The following MKLN1 variants were observed in gnomAD, a reference collection of about 807,000 sequenced individuals.
MKLN1 encodes muskelin.
MKLN1 carries 18 observed loss-of-function variants against 99.0 expected under a neutral mutation model. That is an observed-to-expected ratio of 0.18 (90% CI 0.13 to 0.27). The LOEUF is 0.27. Among genes scored for constraint, MKLN1 ranks in the 10% least tolerant of loss-of-function variants. The probability of loss-of-function intolerance (pLI) is 1.00; values close to 1 mark genes in which losing one functional copy is unlikely to be tolerated. For missense variants in MKLN1, 621 were observed against 875.9 expected (o/e 0.71, Z 3.67); for synonymous variants, 288 against 293.2 (o/e 0.98, Z 0.18).
chr7:131,276,478 G>A (rs1010921823), intron 3 of MKLN1, among the ~76,000 whole-genome samples: 6 of 152,204 alleles, frequency 3.9e-5, no homozygotes, highest in African/African-American at 1.4e-4. Flanking sequence ...GCCAAATCCC[G>A]AGAGGATGGG....
chr7:131,168,674 G>T (rs910766924), intron 2 of MKLN1, among the ~76,000 whole-genome samples: 1 of 151,816 alleles, frequency 6.6e-6, no homozygotes, highest in Admixed American at 6.6e-5. Flanking sequence ...TACCTACTAA[G>T]TGCCAGTTAA....
At chr7:131,463,890 A>G (rs1036395773) in intron 13 of MKLN1, among the ~76,000 whole-genome samples, 1 of 152,216 alleles carries the variant, frequency 6.6e-6, no homozygotes, top group East Asian at 1.9e-4. Flanking sequence ...GAGCTTCTCC[A>G]TTCATAATGG....
At chr7:131,217,495 C>T (rs1032367016) in intron 3 of MKLN1, among the ~76,000 whole-genome samples, 6 of 152,080 alleles carry the variant, frequency 3.9e-5, no homozygotes, top group Admixed American at 3.9e-4. Flanking sequence ...GTCAGGAGTT[C>T]GAGACCAGCC....
chr7:131,373,167 G>A (rs1563316763), intron 1 of MKLN1, among the ~76,000 whole-genome samples: 1 of 151,964 alleles, frequency 6.6e-6, no homozygotes, highest in African/African-American at 2.4e-5. Flanking sequence ...AAATATAAGA[G>A]TAACATTTTA....
intron 12 of MKLN1, among the ~76,000 whole-genome samples, chr7:131,462,431 A>G (rs563130653): frequency 1.5e-3 from 225 of 152,294 alleles, no homozygotes; most frequent in Non-Finnish European, 2.8e-3. Flanking sequence ...CCTTTTATCA[A>G]ATTTTTTTTC....
chr7:131,409,605 G>T (rs1563334060), intron 6 of MKLN1, among the ~76,000 whole-genome samples: 1 of 152,126 alleles, frequency 6.6e-6, no homozygotes, highest in South Asian at 2.1e-4. Context: ...ACCCAGAAAA[G>T]AAAGATTAGG....
rs568784704 is a variant in MKLN1 at position 131,197,588 on chromosome 7, AG to A, written c.-296-5268del. On this transcript the variant is annotated intron_variant, in intron 2 of 7. Coordinates refer to the MKLN1 transcript ENST00000416992. ...AAAGATGAACTTGAGAGGTCTCCCT[AG>A]TCAAGTTTCCTTTAAATGGATGCTC... Among the ~76,000 whole-genome samples the A allele has an allele frequency of 2.1e-3, 320 of 151,838 alleles. 1 individual carries two copies. Among genetic ancestry groups the A allele is most frequent in the Admixed American group, 3.9e-3 (60 of 15,230 alleles).
intron 3 of MKLN1, among the ~76,000 whole-genome samples, chr7:131,272,170 T>C (rs1000656746): frequency 1.3e-5 from 2 of 152,148 alleles, no homozygotes; most frequent in Non-Finnish European, 2.9e-5. Context: ...AGCTTCAAAA[T>C]AGAAGGACCC....
intron 2 of MKLN1, among the ~76,000 whole-genome samples, chr7:131,146,793 T>G (rs1795820060): frequency 6.6e-6 from 1 of 152,222 alleles, no homozygotes; most frequent in African/African-American, 2.4e-5. Flanking sequence ...TTGAACAATA[T>G]TCATTTAAAC....
chr7:131,365,402 TTTA>T, intron 1 of MKLN1, among the ~76,000 whole-genome samples: 1 of 152,240 alleles, frequency 6.6e-6, no homozygotes, highest in Non-Finnish European at 1.5e-5. Context: ...AGGTTGTCTG[TTTA>T]CTCTGTTGAT....
chr7:131,403,618 T>C (rs1338627480), intron 6 of MKLN1, among the ~76,000 whole-genome samples: 1 of 152,198 alleles, frequency 6.6e-6, no homozygotes, highest in South Asian at 2.1e-4. Context: ...GAGAGGTTTG[T>C]GTTGAACACT....
intron 17 of MKLN1, among the ~76,000 whole-genome samples, chr7:131,486,465 G>A (rs1469977628): frequency 6.6e-6 from 1 of 152,090 alleles, no homozygotes; most frequent in Non-Finnish European, 1.5e-5. Context: ...TGTTCTTGAG[G>A]TATTGTTTAT....
At position 131,488,628 on chromosome 7, in the gene MKLN1, G is replaced by A. The variant is rs1187159706; in HGVS notation, c.*900G>A. The A allele has an allele frequency of 1.3e-5, 2 of 152,484 alleles. No individual in the cohort carries two copies. The highest frequency in any genetic ancestry group is 4.8e-5 in the African/African-American group (2 of 41,402). The allele number at this position is 152,484 out of a possible 1,614,324, so 9.4% of individuals were successfully genotyped here. A position where few individuals can be genotyped will look rare whatever the true frequency, so the allele number is the denominator to read the frequency against. ...CGTCCAGAAGAGCTCTGCAGAACCA[G>A]GGCTCCCGTTTATCTTGTGCTATCT... On this transcript the variant is annotated 3_prime_UTR_variant, in exon 18 of 18. Transcript: ENST00000352689.
At chr7:131,159,927 G>T (rs529480788) in intron 2 of MKLN1, among the ~76,000 whole-genome samples, 42 of 152,124 alleles carry the variant, frequency 2.8e-4, no homozygotes, top group Non-Finnish European at 5.1e-4. Context: ...CACAGAAGAG[G>T]TAGGAACATG....
intron 3 of MKLN1, among the ~76,000 whole-genome samples, chr7:131,313,962 A>C (rs1478323362): frequency 6.6e-6 from 1 of 152,242 alleles, no homozygotes; most frequent in Admixed American, 6.5e-5. Flanking sequence ...GGACTGGGCT[A>C]TGCAACACTT....
chr7:131,444,297 A>G (rs1563351440), intron 11 of MKLN1, among the ~76,000 whole-genome samples: 1 of 151,778 alleles, frequency 6.6e-6, no homozygotes, highest in Non-Finnish European at 1.5e-5. Context: ...TTTTGTATTT[A>G]GTAAAGACAG....
intron 1 of MKLN1, among the ~76,000 whole-genome samples, chr7:131,367,178 T>C (rs1800207524): frequency 6.6e-6 from 1 of 152,206 alleles, no homozygotes; most frequent in African/African-American, 2.4e-5. Context: ...ACTTAAAATG[T>C]TATTCATTTT....
Position 131,466,398 on chromosome 7 carries a change from C to A in MKLN1, c.1911C>A (p.Tyr637Ter). The change falls in exon 15 of 18, where the codon TAC becomes TAA. Residue 637 changes from tyrosine (Y) to a stop codon, truncating the protein, a stop_gained. Coordinates refer to ENST00000352689, the MANE Select transcript of MKLN1 (RefSeq NM_013255.5). LOFTEE classifies it high-confidence loss of function. Reference protein sequence around the residue: ...SKDYLLRHCKYLIRKHRFEEK... With the variant: ...SKDYLLRHCK ...ATTATTTACTGAGGCATTGCAAGTA[C>A]CTCATAAGAAAACACAGGTATGAAA... is the stretch of plus-strand genomic sequence containing the variant. 1 of 1,585,868 alleles carries A rather than the reference C, an allele frequency of 6.3e-7. No individual in the cohort carries two copies. The highest frequency in any genetic ancestry group is 8.6e-7 in the Non-Finnish European group (1 of 1,162,732).
chr7:131,406,119 G>A (rs1015508938), intron 6 of MKLN1, among the ~76,000 whole-genome samples: 3 of 151,912 alleles, frequency 2.0e-5, no homozygotes, highest in African/African-American at 7.2e-5. Flanking sequence ...AAATTATTTT[G>A]AATTAAATCT....
Sources: allele counts gnomAD v4.1 joint callset (sites outside exome capture counted in the v4.1 genomes callset), GRCh38; gene constraint gnomAD v4.1.1; transcripts MANE v1.5; gene names NCBI Gene and HGNC (gene_info 2026-07-23, HGNC 2026-07-21).